Variants in ZNG1B observed in about 807,000 individuals in gnomAD.
ZNG1B encodes the protein zinc-regulated GTPase metalloprotein activator 1B.
the ZNG1B span, among the ~76,000 whole-genome samples, chr2:113,485,985 G>A: frequency 7.0e-6 from 1 of 143,848 alleles, no homozygotes; most frequent in Non-Finnish European, 1.5e-5. Context: ...CATGGAAGAA[G>A]GAGTTAATTT....
At chr2:113,437,965 G>A in the ZNG1B span, 1 of 1,612,020 alleles carries the variant, frequency 6.2e-7, no homozygotes, top group Non-Finnish European at 8.5e-7. Flanking sequence ...AAGCGAGGAG[G>A]AGGAAAAGTC....
the ZNG1B span, among the ~76,000 whole-genome samples, chr2:113,477,321 G>C: frequency 9.2e-5 from 14 of 152,266 alleles, no homozygotes; most frequent in Admixed American, 3.9e-4. Context: ...CTAGGAAAGG[G>C]AACTCCCTGA....
chr2:113,457,891 G>T, the ZNG1B span, among the ~76,000 whole-genome samples: 1 of 143,316 alleles, frequency 7.0e-6, no homozygotes, highest in East Asian at 2.3e-4. Flanking sequence ...TGTATGCTTT[G>T]ACCAACATCT....
chr2:113,452,229 C>G, the ZNG1B span, among the ~76,000 whole-genome samples: 1 of 152,024 alleles, frequency 6.6e-6, no homozygotes, highest in Non-Finnish European at 1.5e-5. Context: ...GATCTTGTGG[C>G]CCTTGCTATA....
the ZNG1B span, among the ~76,000 whole-genome samples, chr2:113,475,224 A>C: frequency 6.7e-6 from 1 of 148,260 alleles, no homozygotes; most frequent in African/African-American, 2.5e-5. Context: ...TGTTGAATTG[A>C]TCCCTTTACC....
the ZNG1B span, among the ~76,000 whole-genome samples, chr2:113,446,030 G>A: frequency 1.3e-5 from 2 of 151,462 alleles, no homozygotes; most frequent in Non-Finnish European, 2.9e-5. Flanking sequence ...CTTATAGTAG[G>A]CATGGGTTTT....
chr2:113,450,519 T>G, the ZNG1B span, among the ~76,000 whole-genome samples: 1 of 147,252 alleles, frequency 6.8e-6, no homozygotes, highest in Non-Finnish European at 1.5e-5. Context: ...TCTTCTTGCT[T>G]TTGAGCTTGT....
chr2:113,439,348 A>G, the ZNG1B span, among the ~76,000 whole-genome samples: 7 of 151,166 alleles, frequency 4.6e-5, no homozygotes, highest in Non-Finnish European at 1.0e-4. Flanking sequence ...ATCTTTAGCT[A>G]CACACCTGTG....
the ZNG1B span, among the ~76,000 whole-genome samples, chr2:113,453,980 A>G: frequency 6.6e-6 from 1 of 152,180 alleles, no homozygotes; most frequent in Non-Finnish European, 1.5e-5. Context: ...AAACTTTCTT[A>G]GTTAAGCGAC....
At chr2:113,454,510 ATCTTC>A in the ZNG1B span, among the ~76,000 whole-genome samples, 34 of 150,234 alleles carry the variant, frequency 2.3e-4, no homozygotes, top group Admixed American at 4.0e-4. Context: ...TTTGTTTTAT[ATCTTC>A]TCTAGTGCCT....
At chr2:113,448,071 A>T in the ZNG1B span, among the ~76,000 whole-genome samples, 1 of 152,242 alleles carries the variant, frequency 6.6e-6, no homozygotes, top group South Asian at 2.1e-4. Flanking sequence ...TTTTCAATTT[A>T]GTTTGCCCAG....
the ZNG1B span, among the ~76,000 whole-genome samples, chr2:113,475,352 C>T: frequency 1.3e-5 from 2 of 152,134 alleles, no homozygotes; most frequent in Non-Finnish European, 2.9e-5. Flanking sequence ...GTAGATTTTC[C>T]TCCATCCCTT....
At chr2:113,473,190 G>A in the ZNG1B span, among the ~76,000 whole-genome samples, 15 of 151,950 alleles carry the variant, frequency 9.9e-5, no homozygotes, top group Admixed American at 7.9e-4. Context: ...TCTCCTTGAA[G>A]AGGTCCTTCA....
chr2:113,442,640 C>T, the ZNG1B span, among the ~76,000 whole-genome samples: 9 of 152,136 alleles, frequency 5.9e-5, no homozygotes, highest in East Asian at 1.9e-4. Flanking sequence ...GGATCATTTT[C>T]GCAATTTTAT....
chr2:113,453,166 A>G, the ZNG1B span: 20 of 1,593,112 alleles, frequency 1.3e-5, no homozygotes, highest in African/African-American at 1.6e-4. Context: ...TTTTGGGTTG[A>G]TGCTGAATTA....
At chr2:113,458,742 GT>G in the ZNG1B span, among the ~76,000 whole-genome samples, 2 of 127,842 alleles carry the variant, frequency 1.6e-5, no homozygotes, top group African/African-American at 6.0e-5. Context: ...AATTTCATAT[GT>G]TAAAAAAGCT....
At chr2:113,482,464 C>A in the ZNG1B span, among the ~76,000 whole-genome samples, 1 of 128,898 alleles carries the variant, frequency 7.8e-6, no homozygotes, top group African/African-American at 2.9e-5. Context: ...GGAAATCATG[C>A]TTTCTAGCCT....
chr2:113,472,897 T>C, the ZNG1B span, among the ~76,000 whole-genome samples: 1 of 151,546 alleles, frequency 6.6e-6, no homozygotes, highest in Non-Finnish European at 1.5e-5. Flanking sequence ...AGCCTTGTAG[T>C]ATAGTTTGAA....
the ZNG1B span, among the ~76,000 whole-genome samples, chr2:113,473,261 G>A: frequency 6.6e-6 from 1 of 150,902 alleles, no homozygotes; most frequent in Non-Finnish European, 1.5e-5. Flanking sequence ...GTGAATGGGA[G>A]TTCACTCATG....
Sources: allele counts gnomAD v4.1 joint callset (sites outside exome capture counted in the v4.1 genomes callset), GRCh38; gene constraint gnomAD v4.1.1; transcripts MANE v1.5; gene names NCBI Gene and HGNC (gene_info 2026-07-23, HGNC 2026-07-21).